Variants in SENP1 observed in about 807,000 individuals in gnomAD.
SENP1 encodes the protein SUMO specific peptidase 1.
SENP1 carries 21 observed loss-of-function variants against 93.0 expected under a neutral mutation model. The ratio of observed to expected loss-of-function variants is 0.23; its 90% CI spans 0.16 to 0.33. The LOEUF (loss-of-function observed/expected upper bound fraction) is 0.33, where lower values mean the gene tolerates loss of function less well. Among genes scored for constraint, SENP1 ranks in the 10% least tolerant of loss-of-function variants. SENP1 has a pLI of 1.00. For synonymous variants in SENP1, 256 were observed against 259.6 expected (o/e 0.99, Z 0.13); for missense variants, 591 against 758.7 (o/e 0.78, Z 2.60).
Position 48,098,034 on chromosome 12 carries a change from G to C in SENP1, c.95C>G (p.Thr32Arg), listed in dbSNP as rs1215368899. The C allele has an allele frequency of 1.2e-6, 2 of 1,613,692 alleles. No individual in the cohort carries two copies. Among genetic ancestry groups the C allele is most frequent in the African/African-American group, 1.3e-5 (1 of 74,934 alleles). ...CGAAAGCTGGTCCTCTGGAAAACCT[G>C]TTTGTGGCAGGAGGTGGGTTTTGAA... ...SVFKTHLLPQ[T>R]GFPEDQLSLS... The change falls in exon 3 of 18, where the codon ACA becomes AGA. Residue 32 changes from threonine (T) to arginine (R), a missense_variant. Physicochemically the swap from Thr to Arg is moderately conservative, Grantham distance 71 (BLOSUM62 -1). Transcript: ENST00000549518.
Position 48,054,415 on chromosome 12 carries a change from A to G in SENP1, c.1408-5283T>C, listed in dbSNP as rs544773812. Among the ~76,000 whole-genome samples, 10 of 152,282 alleles carry G rather than the reference A, an allele frequency of 6.6e-5. No homozygotes were observed. In the East Asian group the frequency reaches 1.9e-3, roughly 29 times the overall value. ...CTGAAATCTAATTTGTATAATGTTA[A>G]TAAGTCACTTTTTTGAGTCATGTTT... On this transcript the variant is annotated intron_variant, in intron 13 of 17. Transcript: ENST00000549518.
rs1945991363 is a variant in SENP1 at position 48,102,262 on chromosome 12, T to A, written c.-44-746A>T. On this transcript the variant is annotated intron_variant, in intron 1 of 17. Coordinates refer to ENST00000549518, the MANE Select transcript of SENP1 (RefSeq NM_001267594.2). The stretch of plus-strand genomic sequence containing the variant: ...GCCTGGCCAACATGGTGAAAACCCA[T>A]CTCTACTAAAAATACAACAATTAGC... Among the ~76,000 whole-genome samples the A allele has an allele frequency of 2.0e-5, 3 of 151,854 alleles. No individual in the cohort carries two copies. The South Asian group carries it at 6.2e-4, about 32-fold the overall frequency.
At chr12:48,076,336 A>T (rs963983730) in intron 6 of SENP1, among the ~76,000 whole-genome samples, 7 of 151,566 alleles carry the variant, frequency 4.6e-5, no homozygotes, top group Non-Finnish European at 8.8e-5. Flanking sequence ...TCACCATGTT[A>T]GCCAGGATAG....
chr12:48,089,705 C>T (rs1945101997), intron 4 of SENP1, among the ~76,000 whole-genome samples: 1 of 152,184 alleles, frequency 6.6e-6, no homozygotes, highest in South Asian at 2.1e-4. Flanking sequence ...TCTATAACCT[C>T]CTCTCCCTAT....
chr12:48,074,850 CT>C, intron 6 of SENP1, 57 bp from the exon 7 acceptor site: 1 of 1,126,390 alleles, frequency 8.9e-7, no homozygotes, highest in South Asian at 1.4e-5. Context: ...GCAAGTATTT[CT>C]CAAACTAGCA....
chr12:48,085,775 G>T (rs1944817606), intron 5 of SENP1, among the ~76,000 whole-genome samples: 2 of 151,308 alleles, frequency 1.3e-5, no homozygotes, highest in Admixed American at 1.3e-4. Context: ...AGAATTTTAG[G>T]AACAGGCTTA....
Position 48,046,398 on chromosome 12 carries a change from A to G in SENP1, c.1830T>C (p.Tyr610=), listed in dbSNP as rs759898194. 1 of 1,613,508 alleles carries G rather than the reference A, an allele frequency of 6.2e-7. No individual in the cohort carries two copies. The highest frequency in any genetic ancestry group is 1.1e-5 in the South Asian group (1 of 91,054). Residue 610 remains tyrosine (Y), a synonymous_variant, in exon 17 of 18, where the codon TAT becomes TAC. Coordinates refer to ENST00000549518, the MANE Select transcript of SENP1 (RefSeq NM_001267594.2). ...GSDCGMFACK[Y]ADCITKDRPI... ...GTCTGTCTTTGGTAATACAGTCAGC[A>G]TATTTGCAGGCAAACATCCCACAGT...
At chr12:48,074,667 T>G in intron 7 of SENP1, 23 bp downstream of exon 7, 1 of 1,608,750 alleles carries the variant, frequency 6.2e-7, no homozygotes, top group Non-Finnish European at 8.5e-7. Flanking sequence ...TAAATTCATC[T>G]GAAATATGCT....
chr12:48,050,081 C>T (rs535776724), intron 13 of SENP1, among the ~76,000 whole-genome samples: 85 of 152,264 alleles, frequency 5.6e-4, no homozygotes, highest in Non-Finnish European at 7.8e-4. Flanking sequence ...TGAAAGTTAT[C>T]GTGCCGGAAG....
chr12:48,062,194 A>C (rs1018336998), intron 13 of SENP1, among the ~76,000 whole-genome samples: 1 of 152,188 alleles, frequency 6.6e-6, no homozygotes, highest in African/African-American at 2.4e-5. Flanking sequence ...ATTTACAACA[A>C]ACTAAAGCCT....
At chr12:48,049,174 C>T (rs117065448) in intron 13 of SENP1, 42 bp from the exon 14 acceptor site, 16,592 of 1,488,158 alleles carry the variant, frequency 0.011, 146 homozygotes, top group Non-Finnish European at 0.014. Context: ...ACACTCAGGC[C>T]TAGCCTTTCA....
intron 1 of SENP1, among the ~76,000 whole-genome samples, chr12:48,104,075 G>T (rs1946170983): frequency 6.6e-6 from 1 of 151,918 alleles, no homozygotes; most frequent in Admixed American, 6.6e-5. Flanking sequence ...GCCAGGTATG[G>T]TGGCAGGCAC....
intron 3 of SENP1, among the ~76,000 whole-genome samples, chr12:48,097,060 A>G (rs1945620568): frequency 6.6e-6 from 1 of 152,198 alleles, no homozygotes; most frequent in Non-Finnish European, 1.5e-5. Context: ...ATCTAATGAA[A>G]TAATTCAGGC....
Position 48,086,692 on chromosome 12 carries a change from C to A in SENP1, c.380+2109G>T, listed in dbSNP as rs149447752. Among the ~76,000 whole-genome samples the A allele has an allele frequency of 7.9e-5, 12 of 152,170 alleles. No homozygotes were observed. In the East Asian group the frequency reaches 2.3e-3, roughly 29 times the overall value. On this transcript the variant is annotated intron_variant, in intron 5 of 17. Transcript: ENST00000549518. ...AATAATGATACCACGAGGAAGCAAC[C>A]TGCCAAATCCAAAAAGTAGAACATT... is the stretch of plus-strand genomic sequence containing the variant.
chr12:48,096,509 A>G, intron 3 of SENP1, 82 bp from the exon 4 acceptor site: 5 of 796,916 alleles, frequency 6.3e-6, no homozygotes, highest in Non-Finnish European at 8.3e-6. Flanking sequence ...AGGCTGGAGT[A>G]CACCGGCACA....
intron 4 of SENP1, among the ~76,000 whole-genome samples, chr12:48,093,743 T>C (rs1227353275): frequency 6.7e-6 from 1 of 149,622 alleles, no homozygotes; most frequent in African/African-American, 2.4e-5. Flanking sequence ...AAAGAACATG[T>C]TGACACATGA....
At chr12:48,090,038 A>T (rs1945122016) in intron 4 of SENP1, among the ~76,000 whole-genome samples, 1 of 152,234 alleles carries the variant, frequency 6.6e-6, no homozygotes. Context: ...AAAAAAGAAG[A>T]AGTCATGGCT....
intron 4 of SENP1, among the ~76,000 whole-genome samples, chr12:48,094,716 A>G (rs1945440239): frequency 6.6e-6 from 1 of 152,082 alleles, no homozygotes; most frequent in Non-Finnish European, 1.5e-5. Flanking sequence ...AATAAATTAG[A>G]AATAAAACAT....
chr12:48,075,205 ACT>A (rs72058451), intron 6 of SENP1, among the ~76,000 whole-genome samples: 28,418 of 151,098 alleles, frequency 0.19, 3,226 homozygotes, highest in African/African-American at 0.32. Context: ...GCAGAGCAAG[ACT>A]CTGTCTCAAA....
Sources: gnomAD v4.1 joint callset for allele counts (sites outside exome capture counted in the v4.1 genomes callset) on GRCh38, gnomAD v4.1.1 for gene constraint, MANE v1.5 for transcripts, NCBI Gene and HGNC (gene_info 2026-07-23, HGNC 2026-07-21) for gene names.